The following MXRA7 variants were observed in gnomAD, a reference collection of about 807,000 sequenced individuals.
MXRA7 encodes the protein matrix remodeling associated 7, also known as matrix-remodeling-associated protein 7.
MXRA7 carries 18 observed loss-of-function variants against 17.4 expected under a neutral mutation model. That is an observed-to-expected ratio of 1.03 (90% CI 0.71 to 1.53). The LOEUF (loss-of-function observed/expected upper bound fraction) is 1.53. Ranked by LOEUF, MXRA7 falls within the 40% of genes most tolerant of loss-of-function variation. The pLI, the probability that MXRA7 is intolerant of heterozygous loss-of-function variation, is 0.00. For synonymous variants in MXRA7, 70 were observed against 101.7 expected, an observed-to-expected ratio of 0.69 and a Z score of 1.87; for missense variants, 141 against 209.3, an observed-to-expected ratio of 0.67 and a Z score of 2.01.
At chr17:76,693,326 G>A (rs1393698817) in intron 1 of MXRA7, among the ~76,000 whole-genome samples, 3 of 151,902 alleles carry the variant, frequency 2.0e-5, no homozygotes, top group Non-Finnish European at 4.4e-5. Flanking sequence ...AAATTAGTTG[G>A]GTGTGGTGGT....
chr17:76,696,938 A>G (rs1449096807), intron 1 of MXRA7, among the ~76,000 whole-genome samples: 1 of 152,174 alleles, frequency 6.6e-6, no homozygotes, highest in African/African-American at 2.4e-5. Context: ...AACGGAACAG[A>G]GCAGCTGCTC....
In MXRA7 at chr17:76,688,031, C is replaced by G. The variant is rs551181787; in HGVS notation, c.406+82G>C. ...CCATCCCTCCCCTCGGCACTCGAAC[C>G]CCAGCTCCTGTGATCCCCAGCAGGA... On this transcript the variant is annotated intron_variant, in intron 2 of 3. Coordinates refer to ENST00000449428, the MANE Select transcript of MXRA7 (RefSeq NM_198530.4). 27 of 1,362,018 alleles carry G rather than the reference C, an allele frequency of 2.0e-5. No homozygotes were observed. The East Asian group carries it at 5.5e-4, about 28-fold the overall frequency. 84.4% of individuals were successfully genotyped at this position (1,362,018 alleles called of 1,614,324 possible).
chr17:76,702,887 A>ACGTATATATATATATACGTATATG (rs1193131629), intron 1 of MXRA7, among the ~76,000 whole-genome samples: 5 of 149,632 alleles, frequency 3.3e-5, no homozygotes, highest in African/African-American at 1.2e-4. Flanking sequence ...ATATATATAT[A>ACGTATATATATATATACGTATATG]TATCTTGAGG....
intron 2 of MXRA7, among the ~76,000 whole-genome samples, chr17:76,686,882 G>C (rs1196045382): frequency 2.6e-5 from 4 of 152,050 alleles, no homozygotes; most frequent in African/African-American, 9.7e-5. Context: ...AGGAGGCTAA[G>C]ATGGCAGGAG....
chr17:76,705,945 T>G (rs981593492), intron 1 of MXRA7, among the ~76,000 whole-genome samples: 3 of 152,228 alleles, frequency 2.0e-5, no homozygotes, highest in Non-Finnish European at 4.4e-5. Context: ...GCTTCTGAGA[T>G]TTTGCTAAGA....
At chr17:76,700,875 G>A (rs1030013885) in intron 1 of MXRA7, among the ~76,000 whole-genome samples, 1 of 152,124 alleles carries the variant, frequency 6.6e-6, no homozygotes, top group East Asian at 1.9e-4. Context: ...AGGACATAGA[G>A]AGGAGAGAGG....
intron 1 of MXRA7, among the ~76,000 whole-genome samples, chr17:76,695,377 T>TGTGC (rs778832311): frequency 1.3e-4 from 19 of 151,640 alleles, no homozygotes; most frequent in Middle Eastern, 6.8e-3. Flanking sequence ...TGTGTGTGTG[T>TGTGC]GCAACGGGAT....
chr17:76,708,741 T>C (rs1183357138), intron 1 of MXRA7, among the ~76,000 whole-genome samples: 2 of 152,044 alleles, frequency 1.3e-5, no homozygotes, highest in African/African-American at 4.8e-5. Flanking sequence ...GGCAGGAGTT[T>C]TGGGGGAGCT....
At chr17:76,689,415 A>C (rs2076451503) in intron 1 of MXRA7, 1 of 152,410 alleles carries the variant, frequency 6.6e-6, no homozygotes. Context: ...TTGACTACAC[A>C]AAATGCTGCC....
intron 1 of MXRA7, among the ~76,000 whole-genome samples, chr17:76,707,852 C>T (rs1598364509): frequency 6.6e-6 from 1 of 152,186 alleles, no homozygotes; most frequent in East Asian, 1.9e-4. Context: ...GAAAAGAGGC[C>T]GGCTCCTGTT....
At chr17:76,679,112 T>C (rs1487628466), downstream of MXRA7, among the ~76,000 whole-genome samples, 1 of 151,894 alleles carries the variant, frequency 6.6e-6, no homozygotes, top group Admixed American at 6.6e-5. Flanking sequence ...CTGAGCAACA[T>C]AGTCAGACTC....
At chr17:76,692,771 TCA>T (rs1291913648) in intron 1 of MXRA7, among the ~76,000 whole-genome samples, 1 of 152,200 alleles carries the variant, frequency 6.6e-6, no homozygotes, top group Non-Finnish European at 1.5e-5. Flanking sequence ...TTGATATCTC[TCA>T]CTCAGATTCT....
chr17:76,677,727 GA>G (rs771138370), downstream of MXRA7: 1 of 1,571,498 alleles, frequency 6.4e-7, no homozygotes, highest in South Asian at 1.1e-5. Flanking sequence ...GGACAAAGAG[GA>G]AGAAGGTGCT....
intron 1 of MXRA7, among the ~76,000 whole-genome samples, chr17:76,693,390 G>T (rs1265582728): frequency 1.3e-5 from 2 of 151,040 alleles, no homozygotes; most frequent in Non-Finnish European, 3.0e-5. Context: ...GTTGGACCCT[G>T]GGAGGCGGAA....
intron 2 of MXRA7, among the ~76,000 whole-genome samples, chr17:76,687,613 C>G (rs1057295924): frequency 2.0e-5 from 3 of 152,240 alleles, no homozygotes; most frequent in African/African-American, 7.2e-5. Context: ...CTCCCCTGTT[C>G]TCGGTCACTC....
intron 1 of MXRA7, among the ~76,000 whole-genome samples, chr17:76,693,675 T>C (rs1311473384): frequency 6.6e-6 from 1 of 151,870 alleles, no homozygotes; most frequent in African/African-American, 2.4e-5. Flanking sequence ...TCAAACCTCA[T>C]TTCTACAAAA....
chr17:76,677,319 G>A (rs145657420), downstream of MXRA7: 769 of 352,080 alleles, frequency 2.2e-3, 7 homozygotes, highest in African/African-American at 0.014. Flanking sequence ...TTTGGATCAG[G>A]AGAGGGCCTC....
intron 2 of MXRA7, 82 bp downstream of exon 2, chr17:76,688,031 C>A: frequency 7.3e-7 from 1 of 1,362,018 alleles, no homozygotes; most frequent in East Asian, 2.3e-5. Flanking sequence ...GCACTCGAAC[C>A]CCAGCTCCTG....
intron 1 of MXRA7, among the ~76,000 whole-genome samples, 157 bp downstream of exon 1, chr17:76,710,448 T>G (rs984224400): frequency 6.6e-6 from 1 of 152,128 alleles, no homozygotes; most frequent in Non-Finnish European, 1.5e-5. Context: ...CGGCTTAGCA[T>G]GGCGGGACCT....
Sources: allele counts gnomAD v4.1 joint callset (sites outside exome capture counted in the v4.1 genomes callset), GRCh38; gene constraint gnomAD v4.1.1; transcripts MANE v1.5; gene names NCBI Gene and HGNC (gene_info 2026-07-23, HGNC 2026-07-21).